The following TNRC18 variants were observed in gnomAD, a reference collection of about 807,000 sequenced individuals.
The protein encoded by TNRC18 is trinucleotide repeat containing 18, also known as trinucleotide repeat-containing gene 18 protein.
Under a neutral mutation model 226.7 loss-of-function variants are expected in TNRC18, and 69 were observed. That is an observed-to-expected ratio of 0.30 (90% confidence interval 0.25 to 0.37). The LOEUF is 0.37. TNRC18 is among the 10% of genes least tolerant of loss of function. The pLI is 1.00. For missense variants in TNRC18, 4,754 were observed against 4,256.6 expected, an observed-to-expected ratio of 1.12 and a Z score of -3.25; for synonymous variants, 2,449 against 1,927.6, an observed-to-expected ratio of 1.27 and a Z score of -7.09.
At chr7:5,331,648 G>A (rs543601100) in intron 19 of TNRC18, among the ~76,000 whole-genome samples, 22 of 152,332 alleles carry the variant, frequency 1.4e-4, no homozygotes, top group African/African-American at 5.0e-4. Flanking sequence ...CTAGCCGGGT[G>A]CAGTGGCTCA....
rs751068100 is a variant in TNRC18 at position 5,313,017 on chromosome 7, G to A, written c.7874C>T (p.Ser2625Phe). The change falls in exon 27 of 30, where the codon TCC becomes TTC. Residue 2625 changes from serine to phenylalanine, a missense_variant. By Grantham distance (155) the Ser-to-Phe change is radical. Transcript: ENST00000430969. ...GGAAGAGGAGGATGAGGAGGAGGAG[G>A]AGGAGGAGGAGGAGGATGAGGAGGA... Reference protein sequence around the residue: ...SSSSSSSSSSSSSSSSSSSSS... With the variant: ...SSSSSSSSSSFSSSSSSSSSS... 2 of 863,952 alleles carry A rather than the reference G, an allele frequency of 2.3e-6. No individual in the cohort carries two copies. Among genetic ancestry groups the A allele is most frequent in the Middle Eastern group, 3.2e-4 (1 of 3,098 alleles). 53.5% of individuals were successfully genotyped at this position (863,952 alleles called of 1,614,324 possible). A position where few individuals can be genotyped will look rare whatever the true frequency, so the allele number is the denominator to read the frequency against.
rs779736778 is a variant in TNRC18 at position 5,394,352 on chromosome 7, G to A, written c.343+88C>T. 48 of 1,293,878 alleles carry A rather than the reference G, an allele frequency of 3.7e-5. No individual in the cohort carries two copies. The highest frequency in any genetic ancestry group is 6.9e-5 in the Admixed American group (2 of 29,006). 80.1% of individuals were successfully genotyped at this position (1,293,878 alleles called of 1,614,324 possible). On this transcript the variant is annotated intron_variant, in intron 3 of 29. Coordinates refer to ENST00000430969, the MANE Select transcript of TNRC18 (RefSeq NM_001080495.3). This position sits in a 1 kb window ranked among gnomAD's most constrained non-coding sequence, Gnocchi z 4.5. ...TGGGACCCACCAGCCCCAGCTCAGC[G>A]ATGACAACAGAGGGGCACATGAAGT... is the stretch of plus-strand genomic sequence containing the variant.
intron 2 of TNRC18, among the ~76,000 whole-genome samples, chr7:5,404,958 C>CA (rs941012561): frequency 3.4e-5 from 5 of 148,172 alleles, no homozygotes; most frequent in South Asian, 2.1e-4. Flanking sequence ...TACTAAAATA[C>CA]AAAAAAAAAA....
chr7:5,421,282 G>A lies in TNRC18; in HGVS notation c.-36C>T. 2 of 1,267,794 alleles carry A rather than the reference G, an allele frequency of 1.6e-6. No individual in the cohort carries two copies. The highest frequency in any genetic ancestry group is 2.9e-4 in the Middle Eastern group (1 of 3,404). The allele number at this position is 1,267,794 out of a possible 1,614,324, so 78.5% of individuals were successfully genotyped here. On this transcript the variant is annotated 5_prime_UTR_variant, in exon 2 of 30. Transcript: ENST00000430969. The stretch of plus-strand genomic sequence containing the variant: ...AGTGCCGCGATCAGCCCCCCACCCG[G>A]CCCGCAGGCCTAGCTCAGTGGGACC...
rs551452295 is a variant in TNRC18 at position 5,363,322 on chromosome 7, G to T, written c.4220-497C>A. Reference sequence around the variant, plus strand: ...CATCTCAAAAAAAATAAATAAATAGGCCAGGCGTGGTGGCTCACGCCTGTA... The same window carrying T: ...CATCTCAAAAAAAATAAATAAATAGTCCAGGCGTGGTGGCTCACGCCTGTA... On this transcript the variant is annotated intron_variant, in intron 11 of 29. Transcript: ENST00000430969. Among the ~76,000 whole-genome samples the T allele has an allele frequency of 3.5e-4, 53 of 151,694 alleles. 1 individual carries two copies. The highest frequency in any genetic ancestry group is 1.3e-3 in the African/African-American group (53 of 41,310).
intron 21 of TNRC18, among the ~76,000 whole-genome samples, chr7:5,321,888 T>C (rs1448599082): frequency 6.6e-6 from 1 of 151,820 alleles, no homozygotes; most frequent in Non-Finnish European, 1.5e-5. Context: ...GCCAGGCTGA[T>C]CCCGAGCCCC....
intron 12 of TNRC18, 74 bp from the exon 13 acceptor site, chr7:5,362,107 G>A (rs2128161545): frequency 6.4e-6 from 10 of 1,554,494 alleles, no homozygotes; most frequent in Non-Finnish European, 8.7e-6. Flanking sequence ...CCACCCAGGG[G>A]TGCCCCTGAG....
chr7:5,351,015 G>A (rs1323992812), intron 17 of TNRC18, among the ~76,000 whole-genome samples: 3 of 152,172 alleles, frequency 2.0e-5, no homozygotes, highest in Non-Finnish European at 4.4e-5. Context: ...TAAGAATAGA[G>A]CTTTAAGAAA....
intron 18 of TNRC18, among the ~76,000 whole-genome samples, chr7:5,342,678 T>A (rs1790803134): frequency 6.6e-6 from 1 of 152,226 alleles, no homozygotes; most frequent in Non-Finnish European, 1.5e-5. Flanking sequence ...CTGGTGAAGA[T>A]GCTGTGAACA....
chr7:5,328,470 C>G (rs1455263860), intron 19 of TNRC18, among the ~76,000 whole-genome samples: 1 of 151,436 alleles, frequency 6.6e-6, no homozygotes, highest in East Asian at 2.0e-4. Context: ...GAGTTTGAAA[C>G]CAGCCTGGGC....
At chr7:5,372,302 C>A (rs1428763993) in intron 10 of TNRC18, among the ~76,000 whole-genome samples, 1 of 151,106 alleles carries the variant, frequency 6.6e-6, no homozygotes, top group African/African-American at 2.4e-5. Context: ...TGGTCTCGAT[C>A]TCCTGACCTC....
At chr7:5,351,692 G>A (rs1218409995) in intron 17 of TNRC18, 127 bp downstream of exon 17, 3 of 1,050,662 alleles carry the variant, frequency 2.9e-6, no homozygotes, top group African/African-American at 3.2e-5. Flanking sequence ...CAGCCTTCTT[G>A]CGGCCATCCG....
At chr7:5,318,597 G>A (rs1289597497) in intron 24 of TNRC18, among the ~76,000 whole-genome samples, 3 of 103,730 alleles carry the variant, frequency 2.9e-5, no homozygotes, top group African/African-American at 5.8e-5. Flanking sequence ...TACCCAGCAT[G>A]ATGAGAACAC....
At chr7:5,321,779 C>A (rs1188297742) in intron 21 of TNRC18, among the ~76,000 whole-genome samples, 4 of 151,772 alleles carry the variant, frequency 2.6e-5, no homozygotes, top group Non-Finnish European at 5.9e-5. Flanking sequence ...TCAAGCGATT[C>A]TCCTGCCTCA....
At chr7:5,393,256 G>A (rs1780428034) in intron 3 of TNRC18, among the ~76,000 whole-genome samples, 1 of 152,248 alleles carries the variant, frequency 6.6e-6, no homozygotes, top group Non-Finnish European at 1.5e-5. Context: ...GGGAGGCTCA[G>A]GTGCGACCCC....
chr7:5,345,617 T>C lies in TNRC18; in HGVS notation c.5664A>G (p.Val1888=). 1 of 1,519,080 alleles carries C rather than the reference T, an allele frequency of 6.6e-7. No homozygotes were observed. Among genetic ancestry groups the C allele is most frequent in the Non-Finnish European group, 8.9e-7 (1 of 1,127,342 alleles). The allele number at this position is 1,519,080 out of a possible 1,614,324, so 94.1% of individuals were successfully genotyped here. The change falls in exon 18 of 30, where the codon GTA becomes GTG. Residue 1888 remains valine (V), a synonymous_variant. Transcript: ENST00000430969. ...GGGCCTTCTGCTTGGCCTCCAGCTG[T>C]ACCACAGACAGGGATGGACCCACCG... ...SPTVGPSLSV[V]QLEAKQKARK... is the part of the protein sequence containing the mutation.
intron 5 of TNRC18, among the ~76,000 whole-genome samples, chr7:5,381,634 AG>A (rs1309553746): frequency 3.3e-5 from 5 of 152,102 alleles, no homozygotes; most frequent in African/African-American, 1.2e-4. Flanking sequence ...CCAAAAAAAA[AG>A]AAAAAGAAAG....
At position 5,333,030 on chromosome 7, in the gene TNRC18, G is replaced by C. The variant is rs375702369; in HGVS notation, c.5739C>G (p.Thr1913=). 1.8e-5 allele frequency: 28 copies of C among 1,577,232 alleles called. No individual in the cohort carries two copies. The highest frequency in any genetic ancestry group is 2.2e-5 in the Non-Finnish European group (26 of 1,169,902). Reference sequence around the variant, plus strand: ...GCACCTTGACCTCGCTCTCTGAGTCGGTGTACTCGAACTCTGTGCCTGAAC... The same window carrying C: ...GCACCTTGACCTCGCTCTCTGAGTCCGTGTACTCGAACTCTGTGCCTGAAC... ...QSLLGTEFEY[T]DSESEVKVRK... is the part of the protein sequence containing the mutation. The change falls in exon 19 of 30, where the codon ACC becomes ACG. Residue 1913 remains threonine (T), a synonymous_variant. Transcript: ENST00000430969.
intron 18 of TNRC18, among the ~76,000 whole-genome samples, chr7:5,333,262 C>A (rs371956520): frequency 6.6e-6 from 1 of 152,202 alleles, no homozygotes; most frequent in Non-Finnish European, 1.5e-5. Context: ...CTCGGCTGCC[C>A]GGACGCTGCT....
Sources: allele counts gnomAD v4.1 joint callset (sites outside exome capture counted in the v4.1 genomes callset), GRCh38; gene constraint gnomAD v4.1.1; non-coding constraint Gnocchi (gnomAD v3.1); transcripts MANE v1.5; gene names NCBI Gene and HGNC (gene_info 2026-07-23, HGNC 2026-07-21).